Variants in HSPH1 observed in about 807,000 individuals in gnomAD.
HSPH1 encodes the protein heat shock protein family H (Hsp110) member 1, also known as heat shock protein 105 kDa.
A neutral mutation model predicts 100.0 loss-of-function variants in HSPH1; 40 were observed. The ratio of observed to expected loss-of-function variants is 0.40; its 90% confidence interval spans 0.31 to 0.52. HSPH1 has a LOEUF of 0.52. Among genes scored for constraint, HSPH1 ranks in the 20% least tolerant of loss-of-function variants. The pLI is 0.54. For synonymous variants in HSPH1, 403 were observed against 344.0 expected, an observed-to-expected ratio of 1.17 and a Z score of -1.90; for missense variants, 876 against 1,015.1, an observed-to-expected ratio of 0.86 and a Z score of 1.86.
intron 2 of HSPH1, among the ~76,000 whole-genome samples, chr13:31,158,536 G>C (rs546099558): frequency 1.2e-3 from 152 of 125,960 alleles, no homozygotes; most frequent in African/African-American, 4.6e-3. Context: ...GTAACAGAGC[G>C]AGACTCTATC....
At chr13:31,154,497 G>T (rs777495012) in intron 4 of HSPH1, 136 bp downstream of exon 4, 1 of 993,994 alleles carries the variant, frequency 1.0e-6, no homozygotes, top group Non-Finnish European at 1.6e-6. Context: ...TAATGCTCTG[G>T]AACACATGTT....
At chr13:31,155,799 A>G in intron 2 of HSPH1, 145 bp from the exon 3 acceptor site, 1 of 526,654 alleles carries the variant, frequency 1.9e-6, no homozygotes, top group South Asian at 3.5e-5. Context: ...AATTTCACTG[A>G]ATTTCCCATC....
intron 12 of HSPH1, 85 bp downstream of exon 12, chr13:31,143,707 G>A (rs1956177328): frequency 8.5e-7 from 1 of 1,177,612 alleles, no homozygotes; most frequent in Non-Finnish European, 1.1e-6. Flanking sequence ...ATTGGTGCTT[G>A]CTCTTGAAAC....
chr13:31,145,979 TAATA>T lies in HSPH1; in HGVS notation c.1379-215_1379-212del, dbSNP rs539832959. 7.9e-5 allele frequency among the ~76,000 whole-genome samples: 12 copies of T among 151,944 alleles called. No homozygotes were observed. The East Asian group carries it at 2.3e-3, about 30-fold the overall frequency. On this transcript the variant is annotated intron_variant, in intron 10 of 17. Transcript: ENST00000320027. ...AAAAAATACAAATTAAAAAAATGAA[TAATA>T]AATTAGCCGAGCACAGTGGCATGCG...
intron 16 of HSPH1, 75 bp from the exon 17 acceptor site, chr13:31,138,643 A>C: frequency 6.6e-7 from 1 of 1,522,854 alleles, no homozygotes; most frequent in East Asian, 2.3e-5. Flanking sequence ...CTTTCCAGGA[A>C]GCTCAAGTTC....
In HSPH1 at chr13:31,161,810, C is replaced by T. The variant is rs1011381917; in HGVS notation, c.-228G>A. The T allele has an allele frequency of 4.7e-6, 7 of 1,481,184 alleles. No homozygotes were observed. The highest frequency in any genetic ancestry group is 6.3e-6 in the Non-Finnish European group (7 of 1,117,406). 91.8% of individuals were successfully genotyped at this position (1,481,184 alleles called of 1,614,324 possible). Reference sequence around the variant, plus strand: ...GCTGATAAGAAACCCTGGGAGAAAGCGGGGCTCAGCCTCCGCAGGTCGCTC... The same window carrying T: ...GCTGATAAGAAACCCTGGGAGAAAGTGGGGCTCAGCCTCCGCAGGTCGCTC... On this transcript the variant is annotated 5_prime_UTR_variant, in exon 1 of 18. Transcript: ENST00000320027.
intron 9 of HSPH1, 69 bp downstream of exon 9, chr13:31,148,305 C>G: frequency 9.2e-7 from 1 of 1,089,604 alleles, no homozygotes. Flanking sequence ...AATGACTCTA[C>G]TAGAGAAGTC....
chr13:31,137,991 CA>C (rs1955946885), intron 17 of HSPH1, among the ~76,000 whole-genome samples: 1 of 152,128 alleles, frequency 6.6e-6, no homozygotes, highest in Non-Finnish European at 1.5e-5. Flanking sequence ...TCACATACAA[CA>C]AGACCTAGAA....
In HSPH1 at chr13:31,150,096, A is replaced by G. The variant is rs1465789770; in HGVS notation, c.995T>C (p.Val332Ala). The change falls in exon 8 of 18, where the codon GTA becomes GCA. Residue 332 changes from valine to alanine, a missense_variant. Val to Ala is a moderately conservative substitution (Grantham distance 64). Coordinates refer to ENST00000320027, the MANE Select transcript of HSPH1 (RefSeq NM_006644.4). ...YSLLEQTHLK[V>A]EDVSAVEIVG... is the part of the protein sequence containing the mutation. ...AATCTCAACTGCACTCACATCTTCT[A>G]CTTTGAGATGAGTTTGTTCCAACAG... 3 of 1,613,692 alleles carry G rather than the reference A, an allele frequency of 1.9e-6. No individual in the cohort carries two copies. Among genetic ancestry groups the G allele is most frequent in the Non-Finnish European group, 2.5e-6 (3 of 1,179,680 alleles).
At position 31,138,485 on chromosome 13, in the gene HSPH1, A is replaced by G. The variant is rs1955965023; in HGVS notation, c.2292T>C (p.Asn764=). Residue 764 remains asparagine (N), a synonymous_variant, in exon 17 of 18, where the codon AAT becomes AAC. Coordinates refer to ENST00000320027, the MANE Select transcript of HSPH1 (RefSeq NM_006644.4). The part of the protein sequence containing the change: ...SVNEVMEWMN[N]VMNAQAKKSL... ...TCTTTTTAGCCTGAGCATTCATGAC[A>G]TTATTCATCCATTCCATCACTTCAT... 1 of 1,613,234 alleles carries G rather than the reference A, an allele frequency of 6.2e-7. No individual in the cohort carries two copies. Among genetic ancestry groups the G allele is most frequent in the Non-Finnish European group, 8.5e-7 (1 of 1,179,318 alleles).
chr13:31,138,366 G>T, intron 17 of HSPH1, 41 bp downstream of exon 17: 1 of 1,590,886 alleles, frequency 6.3e-7, no homozygotes, highest in Middle Eastern at 1.7e-4. Flanking sequence ...ACTTGAGTCC[G>T]TAAGTGAACC....
At chr13:31,140,073 TAA>T in intron 14 of HSPH1, 109 bp downstream of exon 14, 2 of 1,100,048 alleles carry the variant, frequency 1.8e-6, no homozygotes, top group Non-Finnish European at 2.5e-6. Flanking sequence ...TTTCTGTTTC[TAA>T]AAAGTTTAAG....
rs1242730528 is a variant in HSPH1, at chr13:31,161,575, A to G, written c.8T>C (p.Val3Ala). Residue 3 changes from valine (V) to alanine (A), a missense_variant, in exon 1 of 18, where the codon GTG (valine) becomes GCG (alanine). Physicochemically the swap from Val to Ala is moderately conservative, Grantham distance 64. Transcript: ENST00000320027. MS[V>A]VGLDVGSQSC... is the part of the protein sequence containing the mutation. The stretch of plus-strand genomic sequence containing the variant: ...CTGCGAGCCCACGTCCAACCCCACC[A>G]CCGACATGGCCGGCTCGCGGTCCGC... 6.2e-7 allele frequency: 1 copy of G among 1,611,728 alleles called. No homozygotes were observed. Among genetic ancestry groups the G allele is most frequent in the Non-Finnish European group, 8.5e-7 (1 of 1,179,410 alleles).
chr13:31,154,119 C>T (rs9570473), intron 4 of HSPH1: 33,704 of 176,402 alleles, frequency 0.19, 3,732 homozygotes, highest in East Asian at 0.37. Flanking sequence ...GCAGAATTTA[C>T]CTTTTTGGTG....
At chr13:31,137,562 A>T (rs144014353) in intron 17 of HSPH1, 38 bp from the exon 18 acceptor site, 6 of 1,489,292 alleles carry the variant, frequency 4.0e-6, no homozygotes, top group Admixed American at 3.8e-5. Flanking sequence ...ATTAACTCAG[A>T]TCCATCCAGT....
rs917156158 is a variant in HSPH1, at chr13:31,157,342, T to TG, written c.165+1463dup. Among the ~76,000 whole-genome samples, 16 of 152,250 alleles carry TG rather than the reference T, an allele frequency of 1.1e-4. No homozygotes were observed. The East Asian group carries it at 1.3e-3, about 13-fold the overall frequency. On this transcript the variant is annotated intron_variant, in intron 2 of 17. Coordinates refer to ENST00000320027, the MANE Select transcript of HSPH1 (RefSeq NM_006644.4). ...TATCCTTTTGAACATATTTTGAGTG[T>TG]GCCTATTTCTCCTTTCCTTTTTCAC...
Position 31,148,475 on chromosome 13 carries a change from TG to T in HSPH1, c.1142del (p.Ala381GlufsTer24). ...TAACTTTAAATGCCGGGGAAAGTAT[TG>T]CACACTTAAAAAAAAAAAAAAAAAT... ...AVARGCALQC[A>X]ILSPAFKVRE... On this transcript the variant is annotated frameshift_variant, in exon 9 of 18. Coordinates refer to ENST00000320027, the MANE Select transcript of HSPH1 (RefSeq NM_006644.4). LOFTEE classifies it high-confidence loss of function. 1 of 1,479,844 alleles carries T rather than the reference TG, an allele frequency of 6.8e-7. No homozygotes were observed. Among genetic ancestry groups the T allele is most frequent in the Non-Finnish European group, 9.0e-7 (1 of 1,108,030 alleles). The allele number at this position is 1,479,844 out of a possible 1,614,324, so 91.7% of individuals were successfully genotyped here.
intron 6 of HSPH1, 44 bp downstream of exon 6, chr13:31,151,565 C>T (rs1956487889): frequency 3.2e-6 from 5 of 1,569,666 alleles, no homozygotes; most frequent in African/African-American, 1.4e-5. Flanking sequence ...AAAGTCACAA[C>T]ACTTAACGTG....
At chr13:31,141,564 C>G (rs1445884387) in intron 12 of HSPH1, among the ~76,000 whole-genome samples, 4 of 151,978 alleles carry the variant, frequency 2.6e-5, no homozygotes, top group African/African-American at 9.7e-5. Context: ...TCTTGTAAAT[C>G]CCATGAGTCA....
Sources: gnomAD v4.1 joint callset for allele counts (sites outside exome capture counted in the v4.1 genomes callset) on GRCh38, gnomAD v4.1.1 for gene constraint, MANE v1.5 for transcripts, NCBI Gene and HGNC (gene_info 2026-07-23, HGNC 2026-07-21) for gene names.